The following SLC38A3 variants were observed in gnomAD, a reference collection of about 807,000 sequenced individuals.
SLC38A3 encodes the protein solute carrier family 38 member 3, also known as sodium-coupled neutral amino acid transporter 3.
In SLC38A3, 17 loss-of-function variants were observed where a neutral mutation model predicts 59.5. That is an observed-to-expected ratio of 0.29 (90% CI 0.20 to 0.43). The LOEUF (loss-of-function observed/expected upper bound fraction) is 0.43. SLC38A3 is among the 20% of genes least tolerant of loss of function. The probability of loss-of-function intolerance (pLI) is 1.00; values close to 1 mark genes in which losing one functional copy is unlikely to be tolerated. For missense variants in SLC38A3, 454 were observed against 653.9 expected, an observed-to-expected ratio of 0.69 and a Z score of 3.33; for synonymous variants, 238 against 260.3, an observed-to-expected ratio of 0.91 and a Z score of 0.82.
Position 50,218,956 on chromosome 3 carries a change from T to C in SLC38A3, c.1306+8T>C. Reference sequence around the variant, plus strand: ...GCATCTTTGGGGTCATCGGTGAGGGTCTGGCCCTGCTGTGGAAGCAGGGTA... The same window carrying C: ...GCATCTTTGGGGTCATCGGTGAGGGCCTGGCCCTGCTGTGGAAGCAGGGTA... On this transcript the variant is annotated splice_region_variant and intron_variant, in intron 14 of 15. Coordinates refer to ENST00000614032, the MANE Select transcript of SLC38A3 (RefSeq NM_006841.6). This position sits in a 1 kb window ranked among gnomAD's most constrained non-coding sequence, Gnocchi z 5.8. 2 of 1,604,822 alleles carry C rather than the reference T, an allele frequency of 1.2e-6. No homozygotes were observed. The highest frequency in any genetic ancestry group is 1.7e-6 in the Non-Finnish European group (2 of 1,172,588).
In SLC38A3 at chr3:50,214,633, TC is replaced by T; in HGVS notation, c.184-17del. ...TTGCTGACTCCTCCCACCCTCCCCG[TC>T]CCATTCTGGTGCCTGCAGTTCGAGG... On this transcript the variant is annotated intron_variant, in intron 3 of 15. Coordinates refer to ENST00000614032, the MANE Select transcript of SLC38A3 (RefSeq NM_006841.6). This position sits in a 1 kb window ranked among gnomAD's most constrained non-coding sequence, Gnocchi z 6.0. 1 of 1,502,120 alleles carries T rather than the reference TC, an allele frequency of 6.7e-7. No homozygotes were observed. The highest frequency in any genetic ancestry group is 9.2e-7 in the Non-Finnish European group (1 of 1,083,122). 93.0% of individuals were successfully genotyped at this position (1,502,120 alleles called of 1,614,324 possible). A position where few individuals can be genotyped will look rare whatever the true frequency, so the allele number is the denominator to read the frequency against.
chr3:50,217,858 C>A lies in SLC38A3; in HGVS notation c.855+18C>A, dbSNP rs1333716922. 6.2e-7 allele frequency: 1 copy of A among 1,614,056 alleles called. No homozygotes were observed. The highest frequency in any genetic ancestry group is 1.1e-5 in the South Asian group (1 of 91,086). On this transcript the variant is annotated intron_variant, in intron 10 of 15. Coordinates refer to ENST00000614032, the MANE Select transcript of SLC38A3 (RefSeq NM_006841.6). The surrounding 1 kb of genome is among the most constrained non-coding windows in gnomAD (Gnocchi z 4.9). ...ACTCACAGGTTCTGACAGGTCAGGGCAAGGCGGGGGCCCAATGAGAGTGGC... is the reference window on the plus strand; with the variant it reads ...ACTCACAGGTTCTGACAGGTCAGGGAAAGGCGGGGGCCCAATGAGAGTGGC...
intron 1 of SLC38A3, among the ~76,000 whole-genome samples, chr3:50,211,592 T>TC (rs1699730067): frequency 7.3e-6 from 1 of 137,596 alleles, no homozygotes; most frequent in Non-Finnish European, 1.5e-5. Context: ...TTTTTTTTTT[T>TC]TTTCTTTTTT....
rs1699854391 is a variant in SLC38A3 at position 50,218,513 on chromosome 3, A to G, written c.1037-80A>G. On this transcript the variant is annotated intron_variant, in intron 12 of 15. Transcript: ENST00000614032. The surrounding 1 kb of genome is among the most constrained non-coding windows in gnomAD (Gnocchi z 5.8). ...GGTGAGTCTGCATGCCAATCCCCAC[A>G]GTGTTGGGGTCCCCTAGGCAGCTCA... 1 of 1,587,426 alleles carries G rather than the reference A, an allele frequency of 6.3e-7. No homozygotes were observed. Among genetic ancestry groups the G allele is most frequent in the Non-Finnish European group, 8.6e-7 (1 of 1,164,980 alleles).
chr3:50,219,778 A>G (rs1476837860), intron 14 of SLC38A3, 103 bp from the exon 15 acceptor site: 1 of 938,302 alleles, frequency 1.1e-6, no homozygotes, highest in Non-Finnish European at 1.7e-6. Flanking sequence ...TCAACATGAA[A>G]CTCCCTCAAC....
chr3:50,217,767 A>T lies in SLC38A3; in HGVS notation c.782A>T (p.Glu261Val). The T allele has an allele frequency of 6.2e-7, 1 of 1,613,804 alleles. No homozygotes were observed. Among genetic ancestry groups the T allele is most frequent in the Non-Finnish European group, 8.5e-7 (1 of 1,179,816 alleles). The change falls in exon 10 of 16, where the codon GAG (glutamate) becomes GTG (valine). Residue 261 changes from glutamate (E) to valine (V), a missense_variant. Physicochemically the swap from Glu to Val is moderately radical, Grantham distance 121 (BLOSUM62 -2). Around this residue, in one of 3 missense-constraint regions of SLC38A3, gnomAD observed 390 missense variants for 557.9 expected, o/e 0.70. Transcript: ENST00000614032. The surrounding 1 kb of genome is among the most constrained non-coding windows in gnomAD (Gnocchi z 4.9). Reference sequence around the variant, plus strand: ...TTCAGCCACGTGGAGATCGTGAAGGAGAAGGTGCAGCTGCAGGTCGAGCCT... The same window carrying T: ...TTCAGCCACGTGGAGATCGTGAAGGTGAAGGTGCAGCTGCAGGTCGAGCCT... ...GNFSHVEIVKEKVQLQVEPEA... is the reference protein window; with the variant it reads ...GNFSHVEIVKVKVQLQVEPEA...
At chr3:50,209,648 C>CAAAAAAAAAAAAAAAAAAAAAAA (rs113482440) in intron 1 of SLC38A3, among the ~76,000 whole-genome samples, 2 of 114,928 alleles carry the variant, frequency 1.7e-5, no homozygotes, top group African/African-American at 6.5e-5. Context: ...GACTCCGTCT[C>CAAAAAAAAAAAAAAAAAAAAAAA]AAAAAAAAAA....
intron 1 of SLC38A3, among the ~76,000 whole-genome samples, chr3:50,212,275 T>A (rs1447432908): frequency 6.6e-6 from 1 of 152,112 alleles, no homozygotes; most frequent in Admixed American, 6.5e-5. Flanking sequence ...CTCAGCACAC[T>A]CTGAGGGCCT....
intron 1 of SLC38A3, among the ~76,000 whole-genome samples, chr3:50,213,159 C>T (rs747056025): frequency 1.3e-5 from 2 of 152,160 alleles, no homozygotes; most frequent in South Asian, 4.1e-4. Flanking sequence ...CCCAGCAGGG[C>T]CAAGCCCTGA....
At chr3:50,209,823 G>A (rs1699699198) in intron 1 of SLC38A3, among the ~76,000 whole-genome samples, 1 of 152,100 alleles carries the variant, frequency 6.6e-6, no homozygotes. Context: ...AACATGGCCG[G>A]TAGTTCAGTT....
Position 50,214,964 on chromosome 3 carries a change from G to T in SLC38A3, c.299+196G>T. The T allele has an allele frequency of 1.6e-6, 1 of 610,674 alleles. No individual in the cohort carries two copies. Among genetic ancestry groups the T allele is most frequent in the Non-Finnish European group, 2.9e-6 (1 of 345,344 alleles). The allele number at this position is 610,674 out of a possible 1,614,324, so 37.8% of individuals were successfully genotyped here. ...CTCACTGCCCAGTAAACCGACTGAGGTCACAACACAGGCCGGTCTTACAGG... is the reference window on the plus strand; with the variant it reads ...CTCACTGCCCAGTAAACCGACTGAGTTCACAACACAGGCCGGTCTTACAGG... On this transcript the variant is annotated intron_variant, in intron 4 of 15. Transcript: ENST00000614032. This position sits in a 1 kb window ranked among gnomAD's most constrained non-coding sequence, Gnocchi z 6.0.
rs1167317212 is a variant in SLC38A3 at position 50,218,898 on chromosome 3, A to G, written c.1256A>G (p.Asn419Ser). Residue 419 changes from asparagine to serine, a missense_variant, in exon 14 of 16, where the codon AAC becomes AGC. Asn to Ser is a conservative substitution (Grantham distance 46, BLOSUM62 1). Coordinates refer to ENST00000614032, the MANE Select transcript of SLC38A3 (RefSeq NM_006841.6). This position sits in a 1 kb window ranked among gnomAD's most constrained non-coding sequence, Gnocchi z 5.8. ...GCCGTTGGCCTGCTCACTTGTATCAACCTGCTGGTCATCTTTGCCCCCAAC... is the reference window on the plus strand; with the variant it reads ...GCCGTTGGCCTGCTCACTTGTATCAGCCTGCTGGTCATCTTTGCCCCCAAC... ...LIAVGLLTCI[N>S]LLVIFAPNIL... is the part of the protein sequence containing the mutation. 4 of 1,613,224 alleles carry G rather than the reference A, an allele frequency of 2.5e-6. No homozygotes were observed. The highest frequency in any genetic ancestry group is 3.4e-6 in the Non-Finnish European group (4 of 1,179,418).
At chr3:50,209,091 G>A (rs748038246) in intron 1 of SLC38A3, among the ~76,000 whole-genome samples, 1 of 152,212 alleles carries the variant, frequency 6.6e-6, no homozygotes, top group African/African-American at 2.4e-5. Flanking sequence ...GCTGGCTGGC[G>A]CAGGGTCTCC....
Position 50,215,314 on chromosome 3 carries a change from C to T in SLC38A3, c.300-72C>T. ...CCCTCCACCCCCAGGCCTCCCAGAG[C>T]CCCTCACCCTCTGCCAGCCACGGTA... On this transcript the variant is annotated intron_variant, in intron 4 of 15. Transcript: ENST00000614032. This position sits in a 1 kb window ranked among gnomAD's most constrained non-coding sequence, Gnocchi z 7.1. 5 of 1,389,922 alleles carry T rather than the reference C, an allele frequency of 3.6e-6. No homozygotes were observed. Among genetic ancestry groups the T allele is most frequent in the Non-Finnish European group, 5.1e-6 (5 of 978,260 alleles). The allele number at this position is 1,389,922 out of a possible 1,614,324, so 86.1% of individuals were successfully genotyped here.
At chr3:50,208,000 T>C (rs1370933667) in intron 1 of SLC38A3, 1 of 152,342 alleles carries the variant, frequency 6.6e-6, no homozygotes, top group African/African-American at 2.4e-5. Context: ...ACCAGGGATA[T>C]CTGAGCTTTC....
Position 50,214,155 on chromosome 3 carries a change from G to T in SLC38A3, c.-45G>T. 6.3e-7 allele frequency: 1 copy of T among 1,577,050 alleles called. No individual in the cohort carries two copies. The highest frequency in any genetic ancestry group is 1.1e-5 in the South Asian group (1 of 88,840). Reference sequence around the variant, plus strand: ...GGGACCGGCTGCTCTGCAGACATCTGACTGTTGGTGTGAGACCAGTGCTCC... The same window carrying T: ...GGGACCGGCTGCTCTGCAGACATCTTACTGTTGGTGTGAGACCAGTGCTCC... On this transcript the variant is annotated 5_prime_UTR_variant, in exon 2 of 16. Transcript: ENST00000614032. This position sits in a 1 kb window ranked among gnomAD's most constrained non-coding sequence, Gnocchi z 6.0.
rs1699795500 is a variant in SLC38A3 at position 50,214,990 on chromosome 3, C to A, written c.299+222C>A. ...TCACAACACAGGCCGGTCTTACAGG[C>A]CAGAGACTGTCCTTTTGGCACCTTA... On this transcript the variant is annotated intron_variant, in intron 4 of 15. Coordinates refer to ENST00000614032, the MANE Select transcript of SLC38A3 (RefSeq NM_006841.6). This position sits in a 1 kb window ranked among gnomAD's most constrained non-coding sequence, Gnocchi z 6.0. 1 of 593,326 alleles carries A rather than the reference C, an allele frequency of 1.7e-6. No homozygotes were observed. Among genetic ancestry groups the A allele is most frequent in the Non-Finnish European group, 3.0e-6 (1 of 335,686 alleles). 36.8% of individuals were successfully genotyped at this position (593,326 alleles called of 1,614,324 possible). A position where few individuals can be genotyped will look rare whatever the true frequency, so the allele number is the denominator to read the frequency against.
Position 50,221,316 on chromosome 3 carries a change from G to C in SLC38A3, c.*1139G>C, listed in dbSNP as rs1489388060. ...GCAGCTTCAGGGAGGGTCTGAGCTG[G>C]GGGCAGCTGAGCCCTGAGGGAGCCC... On this transcript the variant is annotated 3_prime_UTR_variant, in exon 16 of 16. Coordinates refer to ENST00000614032, the MANE Select transcript of SLC38A3 (RefSeq NM_006841.6). 1 of 152,180 alleles carries C rather than the reference G, an allele frequency of 6.6e-6. No individual in the cohort carries two copies. Among genetic ancestry groups the C allele is most frequent in the Non-Finnish European group, 1.5e-5 (1 of 68,036 alleles). The allele number at this position is 152,180 out of a possible 1,614,324, so 9.4% of individuals were successfully genotyped here. A position where few individuals can be genotyped will look rare whatever the true frequency, so the allele number is the denominator to read the frequency against.
At position 50,215,233 on chromosome 3, in the gene SLC38A3, G is replaced by A; in HGVS notation, c.300-153G>A. The A allele has an allele frequency of 1.5e-6, 1 of 670,600 alleles. No homozygotes were observed. The highest frequency in any genetic ancestry group is 2.7e-5 in the East Asian group (1 of 37,238). 41.5% of individuals were successfully genotyped at this position (670,600 alleles called of 1,614,324 possible). A position where few individuals can be genotyped will look rare whatever the true frequency, so the allele number is the denominator to read the frequency against. ...AAGGGGGTGGTGTTCATCACCCCTGGGGCCTGCTGAGCTGGCATCCATACC... is the reference window on the plus strand; with the variant it reads ...AAGGGGGTGGTGTTCATCACCCCTGAGGCCTGCTGAGCTGGCATCCATACC... On this transcript the variant is annotated intron_variant, in intron 4 of 15. Transcript: ENST00000614032. This position sits in a 1 kb window ranked among gnomAD's most constrained non-coding sequence, Gnocchi z 7.1.
Sources: allele counts gnomAD v4.1 joint callset (sites outside exome capture counted in the v4.1 genomes callset), GRCh38; gene constraint gnomAD v4.1.1; regional missense constraint gnomAD v4.1.1; non-coding constraint Gnocchi (gnomAD v3.1); transcripts MANE v1.5; gene names NCBI Gene and HGNC (gene_info 2026-07-23, HGNC 2026-07-21).